The following ING1 variants were observed in gnomAD, a reference collection of about 807,000 sequenced individuals.
The protein encoded by ING1 is inhibitor of growth family member 1.
ING1 carries 4 observed loss-of-function variants against 23.1 expected under a neutral mutation model. That is an observed-to-expected ratio of 0.17 (90% CI 0.09 to 0.40). The LOEUF (loss-of-function observed/expected upper bound fraction) is 0.40, where lower values mean the gene tolerates loss of function less well. Among genes scored for constraint, ING1 ranks in the 10% least tolerant of loss-of-function variants. The pLI, the probability that ING1 is intolerant of heterozygous loss-of-function variation, is 1.00. For missense variants in ING1, 256 were observed against 393.8 expected, an observed-to-expected ratio of 0.65 and a Z score of 2.96; for synonymous variants, 179 against 166.4, an observed-to-expected ratio of 1.08 and a Z score of -0.58.
At chr13:110,716,106 C>G in intron 1 of ING1, 1 of 1,290,476 alleles carries the variant, frequency 7.7e-7, no homozygotes, top group Non-Finnish European at 1.0e-6. Flanking sequence ...TGGGGTGACC[C>G]TGGGGCTCCG....
In ING1 at chr13:110,722,916, A is replaced by G. The variant is rs1022457447; in HGVS notation, c.*2984A>G. ...AATAGAAAGATCCTGGAATCCCGAC[A>G]TGAGGACAAAAATGGTACTGAATTC... On this transcript the variant is annotated 3_prime_UTR_variant, in exon 2 of 2. Transcript: ENST00000333219. The G allele has an allele frequency of 2.0e-5, 3 of 152,242 alleles. No individual in the cohort carries two copies. Among genetic ancestry groups the G allele is most frequent in the Non-Finnish European group, 4.4e-5 (3 of 68,044 alleles). 9.4% of individuals were successfully genotyped at this position (152,242 alleles called of 1,614,324 possible).
intron 1 of ING1, chr13:110,714,861 C>T: frequency 5.8e-6 from 3 of 517,646 alleles, no homozygotes; most frequent in Non-Finnish European, 7.5e-6. Flanking sequence ...CCCCCTCCGG[C>T]CCTCACTTGG....
upstream of ING1, chr13:110,712,791 C>T: frequency 2.7e-6 from 2 of 732,738 alleles, no homozygotes; most frequent in South Asian, 1.5e-5. Flanking sequence ...CTAGGGAAGG[C>T]GCCCCTCGGG....
upstream of ING1, chr13:110,712,778 G>A: frequency 1.4e-6 from 1 of 716,004 alleles, no homozygotes; most frequent in Non-Finnish European, 2.5e-6. Flanking sequence ...GAAGAGATAA[G>A]GCCTAGGGAA....
At position 110,719,462 on chromosome 13, in the gene ING1, G is replaced by A; in HGVS notation, c.370G>A (p.Gly124Ser). The A allele has an allele frequency of 6.2e-7, 1 of 1,612,816 alleles. No individual in the cohort carries two copies. The highest frequency in any genetic ancestry group is 8.5e-7 in the Non-Finnish European group (1 of 1,179,570). The part of the protein sequence containing the change: ...EAQQELGDTA[G>S]NSGKAGADRP... ...GCAGCAGGAGCTGGGCGACACAGCG[G>A]GCAACAGCGGCAAGGCTGGCGCGGA... The change falls in exon 2 of 2, where the codon GGC becomes AGC. Residue 124 changes from glycine to serine, a missense_variant. Gly to Ser is a moderately conservative substitution (Grantham distance 56). This residue lies in a region of ING1 where 209 missense variants were observed against 273.8 expected (regional missense o/e 0.76). Coordinates refer to ENST00000333219, the MANE Select transcript of ING1 (RefSeq NM_198219.3). The surrounding 1 kb of genome is among the most constrained non-coding windows in gnomAD (Gnocchi z 8.9).
chr13:110,713,642 G>T, upstream of ING1: 1 of 985,556 alleles, frequency 1.0e-6, no homozygotes, highest in Non-Finnish European at 1.2e-6. Flanking sequence ...GGGGGCCGGG[G>T]CGCATGCGCG....
rs948394974 is a variant in ING1 at position 110,715,491 on chromosome 13, C to T, written c.136+1206C>T. 3.1e-6 allele frequency: 5 copies of T among 1,612,942 alleles called. No homozygotes were observed. The African/African-American group carries it at 6.7e-5, about 22-fold the overall frequency. On this transcript the variant is annotated intron_variant, in intron 1 of 1. Coordinates refer to ENST00000333219, the MANE Select transcript of ING1 (RefSeq NM_198219.3). ...ATCATTCCCCTGCGGAACGATTGGT[C>T]GCTGAGGCGGATGAAGGCGGGCCTA... is the stretch of plus-strand genomic sequence containing the variant.
Position 110,715,529 on chromosome 13 carries a change from G to C in ING1, c.136+1244G>C, listed in dbSNP as rs78799989. Reference sequence around the variant, plus strand: ...GAAGGCGGGCCTAGCGCAATAACTGGTATGGGTCTGTGTTTCCGCTGTCTT... The same window carrying C: ...GAAGGCGGGCCTAGCGCAATAACTGCTATGGGTCTGTGTTTCCGCTGTCTT... On this transcript the variant is annotated intron_variant, in intron 1 of 1. Transcript: ENST00000333219. The C allele has an allele frequency of 9.3e-3, 14,957 of 1,614,194 alleles. 500 individuals are homozygous for C. Among genetic ancestry groups the C allele is most frequent in the South Asian group, 0.061 (5,598 of 91,082 alleles).
chr13:110,718,533 G>A (rs2139974108), intron 1 of ING1, among the ~76,000 whole-genome samples: 1 of 152,306 alleles, frequency 6.6e-6, no homozygotes, highest in East Asian at 1.9e-4. Flanking sequence ...TAAATGTGGG[G>A]ACTGAAACTG....
At position 110,714,191 on chromosome 13, in the gene ING1, C is replaced by A; in HGVS notation, c.42C>A (p.Asn14Lys). 1 of 1,562,252 alleles carries A rather than the reference C, an allele frequency of 6.4e-7. No homozygotes were observed. The highest frequency in any genetic ancestry group is 8.7e-7 in the Non-Finnish European group (1 of 1,155,916). Reference sequence around the variant, plus strand: ...ACGGGGAGCAGCTCCACCTGGTGAACTATGTGGAGGACTACCTGGACTCCA... The same window carrying A: ...ACGGGGAGCAGCTCCACCTGGTGAAATATGTGGAGGACTACCTGGACTCCA... ...PANGEQLHLVNYVEDYLDSIE... is the reference protein window; with the variant it reads ...PANGEQLHLVKYVEDYLDSIE... Residue 14 changes from asparagine (N) to lysine (K), a missense_variant, in exon 1 of 2, where the codon AAC becomes AAA. Physicochemically the swap from Asn to Lys is moderately conservative, Grantham distance 94. Coordinates refer to ENST00000333219, the MANE Select transcript of ING1 (RefSeq NM_198219.3).
At chr13:110,714,571 G>C (rs1261884167) in intron 1 of ING1, among the ~76,000 whole-genome samples, 1 of 152,122 alleles carries the variant, frequency 6.6e-6, no homozygotes, top group African/African-American at 2.4e-5. Context: ...GGTGCTGCGG[G>C]GGAGGGGGCG....
upstream of ING1, chr13:110,713,118 T>G: frequency 2.1e-6 from 3 of 1,430,022 alleles, no homozygotes; most frequent in Non-Finnish European, 2.7e-6. Context: ...GTAGTAAGAG[T>G]CCGGGGGGCA....
rs775801641 is a variant in ING1 at position 110,719,943 on chromosome 13, G to A, written c.*11G>A. On this transcript the variant is annotated 3_prime_UTR_variant, in exon 2 of 2. Coordinates refer to ENST00000333219, the MANE Select transcript of ING1 (RefSeq NM_198219.3). The surrounding 1 kb of genome is among the most constrained non-coding windows in gnomAD (Gnocchi z 8.9). ...GCTTACAACAGGTAGTTTGTGGACAGGCGCCTGGTGTGAGGAGGACAAAAT... is the reference window on the plus strand; with the variant it reads ...GCTTACAACAGGTAGTTTGTGGACAAGCGCCTGGTGTGAGGAGGACAAAAT... 8 of 1,579,406 alleles carry A rather than the reference G, an allele frequency of 5.1e-6. No homozygotes were observed. The Middle Eastern group carries it at 8.5e-4, about 168-fold the overall frequency.
intron 1 of ING1, among the ~76,000 whole-genome samples, chr13:110,714,660 T>C (rs973522318): frequency 2.0e-4 from 31 of 152,018 alleles, no homozygotes; most frequent in Admixed American, 2.0e-3. Flanking sequence ...CCTGGGGCTA[T>C]AGGGCGCCGA....
At chr13:110,718,928 G>C (rs559325396) in intron 1 of ING1, among the ~76,000 whole-genome samples, 1 of 152,284 alleles carries the variant, frequency 6.6e-6, no homozygotes, top group East Asian at 1.9e-4. Flanking sequence ...TAATGGCTTC[G>C]GGCGTTGTCA....
Position 110,720,056 on chromosome 13 carries a change from T to G in ING1, c.*124T>G. ...TTAAAGAATGTTAGTAAAGGAACCA[T>G]TCCTTTCATAGGGATGGCAGTGATT... is the stretch of plus-strand genomic sequence containing the variant. On this transcript the variant is annotated 3_prime_UTR_variant, in exon 2 of 2. Coordinates refer to ENST00000333219, the MANE Select transcript of ING1 (RefSeq NM_198219.3). 7.0e-6 allele frequency: 5 copies of G among 714,738 alleles called. No homozygotes were observed. The highest frequency in any genetic ancestry group is 1.1e-5 in the Non-Finnish European group (5 of 450,012). The allele number at this position is 714,738 out of a possible 1,614,324, so 44.3% of individuals were successfully genotyped here.
chr13:110,715,435 T>G (rs2064105251), intron 1 of ING1: 5 of 1,570,230 alleles, frequency 3.2e-6, no homozygotes, highest in African/African-American at 2.7e-5. Flanking sequence ...CCCCCAGTAG[T>G]TGGCTGTGAT....
rs2139980034 is a variant in ING1, at chr13:110,722,426, C to T, written c.*2494C>T. 1 of 152,264 alleles carries T rather than the reference C, an allele frequency of 6.6e-6. No individual in the cohort carries two copies. The highest frequency in any genetic ancestry group is 2.1e-4 in the South Asian group (1 of 4,826). 9.4% of individuals were successfully genotyped at this position (152,264 alleles called of 1,614,324 possible). ...TCTATATTAATTGGAGGTAATAATGCAAATTAAGTTATAGAAATGAAGATT... is the reference window on the plus strand; with the variant it reads ...TCTATATTAATTGGAGGTAATAATGTAAATTAAGTTATAGAAATGAAGATT... On this transcript the variant is annotated 3_prime_UTR_variant, in exon 2 of 2. Coordinates refer to ENST00000333219, the MANE Select transcript of ING1 (RefSeq NM_198219.3).
intron 1 of ING1, among the ~76,000 whole-genome samples, chr13:110,716,986 A>G (rs2064129425): frequency 6.6e-6 from 1 of 152,222 alleles, no homozygotes; most frequent in South Asian, 2.1e-4. Context: ...GCGATGGGAT[A>G]TCTGTTTCTC....
Sources: gnomAD v4.1 joint callset for allele counts (sites outside exome capture counted in the v4.1 genomes callset) on GRCh38, gnomAD v4.1.1 for gene constraint, gnomAD v4.1.1 regional missense constraint, Gnocchi (gnomAD v3.1) non-coding constraint, MANE v1.5 for transcripts, NCBI Gene and HGNC (gene_info 2026-07-23, HGNC 2026-07-21) for gene names.